CACNA2D3: variants seen among roughly 807,000 people sequenced by gnomAD.
CACNA2D3 encodes calcium voltage-gated channel auxiliary subunit alpha2delta 3.
Under a neutral mutation model 160.6 loss-of-function variants are expected in CACNA2D3, and 60 were observed. That is an observed-to-expected ratio of 0.37 (90% CI 0.30 to 0.46). The LOEUF (loss-of-function observed/expected upper bound fraction) is 0.46, where lower values mean the gene tolerates loss of function less well. Ranked by LOEUF, CACNA2D3 falls within the 20% of genes least tolerant of loss-of-function variation. The probability of loss-of-function intolerance (pLI) is 1.00; values close to 1 mark genes in which losing one functional copy is unlikely to be tolerated. For missense variants in CACNA2D3, 1,205 were observed against 1,365.0 expected, an observed-to-expected ratio of 0.88 and a Z score of 1.85; for synonymous variants, 558 against 492.9, an observed-to-expected ratio of 1.13 and a Z score of -1.75.
intron 31 of CACNA2D3, among the ~76,000 whole-genome samples, chr3:54,992,067 G>A (rs925162987): frequency 1.3e-5 from 2 of 152,098 alleles, no homozygotes; most frequent in Non-Finnish European, 2.9e-5. Flanking sequence ...TCTCTTGTGC[G>A]TTAGCATCCC....
intron 27 of CACNA2D3, among the ~76,000 whole-genome samples, chr3:54,932,135 C>T (rs1037259001): frequency 6.6e-6 from 1 of 151,998 alleles, no homozygotes; most frequent in Non-Finnish European, 1.5e-5. Context: ...GCCGAGATCA[C>T]GCCACTACAC....
intron 9 of CACNA2D3, among the ~76,000 whole-genome samples, chr3:54,622,100 G>T (rs1698999363): frequency 6.6e-6 from 1 of 152,146 alleles, no homozygotes; most frequent in Non-Finnish European, 1.5e-5. Context: ...CCTGCCTGCT[G>T]TTCTGAGGCA....
intron 4 of CACNA2D3, among the ~76,000 whole-genome samples, chr3:54,428,117 A>G (rs954379917): frequency 1.3e-5 from 2 of 152,192 alleles, no homozygotes; most frequent in Non-Finnish European, 2.9e-5. Context: ...TAGTCACGTA[A>G]TTACTACCTC....
At chr3:54,162,961 C>T (rs1441728010) in intron 2 of CACNA2D3, among the ~76,000 whole-genome samples, 2 of 152,122 alleles carry the variant, frequency 1.3e-5, no homozygotes, top group African/African-American at 4.8e-5. Flanking sequence ...TCAGATAGGG[C>T]AGTTAGAGAA....
chr3:54,958,436 C>T (rs925789230), intron 27 of CACNA2D3, among the ~76,000 whole-genome samples: 3 of 152,146 alleles, frequency 2.0e-5, no homozygotes, highest in African/African-American at 7.2e-5. Flanking sequence ...AGTTTATTCC[C>T]TACAGCAGTA....
intron 2 of CACNA2D3, among the ~76,000 whole-genome samples, chr3:54,317,342 G>A (rs1703886522): frequency 6.6e-6 from 1 of 152,198 alleles, no homozygotes. Flanking sequence ...TTACTGTGTT[G>A]AGTGTTGCTG....
chr3:54,847,662 C>T (rs1452888627), intron 17 of CACNA2D3, among the ~76,000 whole-genome samples: 2 of 152,226 alleles, frequency 1.3e-5, no homozygotes, highest in Admixed American at 1.3e-4. Flanking sequence ...TTTCAACAAT[C>T]TTTTTATCAG....
intron 11 of CACNA2D3, among the ~76,000 whole-genome samples, chr3:54,690,301 C>T (rs926731459): frequency 6.6e-6 from 1 of 151,940 alleles, no homozygotes; most frequent in Non-Finnish European, 1.5e-5. Context: ...TTTTTTTTCC[C>T]ATAGTAATTT....
rs114406450 is a variant in CACNA2D3 at position 54,134,982 on chromosome 3, G to A, written c.204+11388G>A. On this transcript the variant is annotated intron_variant, in intron 2 of 37. Transcript: ENST00000474759. ...AGCCGCCACCATCAACCTGGGGGAG[G>A]CAACTCAGCAAAGGCAATTAGGAAG... Among the ~76,000 whole-genome samples the A allele has an allele frequency of 6.0e-3, 918 of 152,348 alleles. 7 individuals are homozygous for A. The highest frequency in any genetic ancestry group is 0.021 in the African/African-American group (889 of 41,580).
chr3:54,904,347 G>A (rs948004610), intron 27 of CACNA2D3, among the ~76,000 whole-genome samples: 1 of 152,098 alleles, frequency 6.6e-6, no homozygotes, highest in Non-Finnish European at 1.5e-5. Flanking sequence ...ATACAGGGAG[G>A]CAGAATTGAA....
intron 2 of CACNA2D3, among the ~76,000 whole-genome samples, chr3:54,199,512 C>T (rs879394996): frequency 5.3e-5 from 8 of 151,876 alleles, no homozygotes; most frequent in East Asian, 1.9e-4. Context: ...ACGTGCTACC[C>T]GTCCCCTCCG....
chr3:54,780,826 T>A (rs902047392), intron 13 of CACNA2D3, among the ~76,000 whole-genome samples: 8 of 152,040 alleles, frequency 5.3e-5, no homozygotes, highest in Non-Finnish European at 1.0e-4. Flanking sequence ...AGTGGGGGGG[T>A]TGGAATCATA....
At chr3:54,941,482 TC>T (rs1701464161) in intron 27 of CACNA2D3, among the ~76,000 whole-genome samples, 1 of 152,150 alleles carries the variant, frequency 6.6e-6, no homozygotes, top group South Asian at 2.1e-4. Flanking sequence ...TCTGTCGTTT[TC>T]CCCCTCCATT....
In CACNA2D3 at chr3:55,058,616, CAT is replaced by C. The variant is rs146677373; in HGVS notation, c.2988-14818_2988-14817del. Reference sequence around the variant, plus strand: ...TCACTGAGATTTAGTTTTAAAAATACATATATATATATGTTTTTTTTAAATAG... The same window carrying C: ...TCACTGAGATTTAGTTTTAAAAATACATATATATATGTTTTTTTTAAATAG... On this transcript the variant is annotated intron_variant, in intron 35 of 37. Coordinates refer to ENST00000474759, the MANE Select transcript of CACNA2D3 (RefSeq NM_018398.3). Among the ~76,000 whole-genome samples, 8 of 151,490 alleles carry C rather than the reference CAT, an allele frequency of 5.3e-5. No homozygotes were observed. In the East Asian group the frequency reaches 7.7e-4, roughly 15 times the overall value.
chr3:54,961,704 A>ATGG lies in CACNA2D3; in HGVS notation c.2450-6746_2450-6745insTGG, dbSNP rs1369332274. ...TGATGGCACCAGTATCATGGACAGC[A>ATGG]GTCTTCTTGGGTTCTGTACCCTGAC... On this transcript the variant is annotated intron_variant, in intron 27 of 37. Transcript: ENST00000474759. Among the ~76,000 whole-genome samples the ATGG allele has an allele frequency of 2.0e-5, 3 of 152,186 alleles. No individual in the cohort carries two copies. The East Asian group carries it at 5.8e-4, about 29-fold the overall frequency.
intron 2 of CACNA2D3, among the ~76,000 whole-genome samples, chr3:54,185,946 A>G (rs1700872578): frequency 6.6e-6 from 1 of 152,096 alleles, no homozygotes; most frequent in Non-Finnish European, 1.5e-5. Context: ...TCTCTCCCTC[A>G]GAGGTTTTCT....
At chr3:54,959,196 A>G (rs1701975558) in intron 27 of CACNA2D3, among the ~76,000 whole-genome samples, 1 of 152,196 alleles carries the variant, frequency 6.6e-6, no homozygotes, top group South Asian at 2.1e-4. Context: ...ACAAGGTACC[A>G]GTTGGGCCAA....
intron 13 of CACNA2D3, among the ~76,000 whole-genome samples, chr3:54,800,051 C>T (rs1168694): frequency 0.024 from 3,633 of 152,222 alleles, 134 homozygotes; most frequent in African/African-American, 0.082. Flanking sequence ...TAATTAAAAC[C>T]AGCAGCTTAG....
chr3:54,472,516 G>C (rs1390267013), intron 4 of CACNA2D3, among the ~76,000 whole-genome samples: 1 of 152,158 alleles, frequency 6.6e-6, no homozygotes, highest in Admixed American at 6.5e-5. Context: ...ATTCAACATA[G>C]TATTGGAAGT....
Sources: allele counts gnomAD v4.1 joint callset (sites outside exome capture counted in the v4.1 genomes callset), GRCh38; gene constraint gnomAD v4.1.1; transcripts MANE v1.5; gene names NCBI Gene and HGNC (gene_info 2026-07-23, HGNC 2026-07-21).